RBFOX1: variants seen among roughly 807,000 people sequenced by gnomAD.
RBFOX1 encodes the protein RNA binding fox-1 homolog 1, also known as RNA binding protein fox-1 homolog 1.
A neutral mutation model predicts 57.7 loss-of-function variants in RBFOX1; 8 were observed. The observed-to-expected ratio is 0.14, with a 90% CI of 0.08 to 0.25. The LOEUF (loss-of-function observed/expected upper bound fraction) is 0.25, where lower values mean the gene tolerates loss of function less well. Ranked by LOEUF, RBFOX1 falls within the 10% of genes least tolerant of loss-of-function variation. The pLI, the probability that RBFOX1 is intolerant of heterozygous loss-of-function variation, is 1.00. For missense variants in RBFOX1, 611 were observed against 548.5 expected, an observed-to-expected ratio of 1.11 and a Z score of -1.14; for synonymous variants, 326 against 222.4, an observed-to-expected ratio of 1.47 and a Z score of -4.15.
At chr16:7,182,091 A>C (rs2152528764) in intron 4 of RBFOX1, among the ~76,000 whole-genome samples, 1 of 152,328 alleles carries the variant, frequency 6.6e-6, no homozygotes, top group South Asian at 2.1e-4. Context: ...AAGCTTGTTC[A>C]TGACAGTTCT....
At chr16:7,207,521 C>G (rs923629353) in intron 4 of RBFOX1, among the ~76,000 whole-genome samples, 7 of 152,088 alleles carry the variant, frequency 4.6e-5, no homozygotes, top group African/African-American at 1.4e-4. Context: ...AATAGATGAT[C>G]CAGTGAATAT....
At chr16:5,696,098 A>G (rs576780931) in intron 3 of RBFOX1, among the ~76,000 whole-genome samples, 1 of 152,330 alleles carries the variant, frequency 6.6e-6, no homozygotes, top group Admixed American at 6.5e-5. Context: ...AGAGAAGAAT[A>G]TAGTGAACCT....
At chr16:7,600,281 A>G (rs1464609888) in intron 9 of RBFOX1, among the ~76,000 whole-genome samples, 1 of 152,202 alleles carries the variant, frequency 6.6e-6, no homozygotes, top group Non-Finnish European at 1.5e-5. Context: ...TTTATTTAAA[A>G]CACAAATGTC....
chr16:6,833,401 A>G (rs1016599433), intron 3 of RBFOX1, among the ~76,000 whole-genome samples: 1 of 152,102 alleles, frequency 6.6e-6, no homozygotes, highest in Admixed American at 6.5e-5. Flanking sequence ...TCCTGACCTC[A>G]GGTGATCAAC....
chr16:7,113,495 A>G (rs1471822029), intron 4 of RBFOX1, among the ~76,000 whole-genome samples: 1 of 152,188 alleles, frequency 6.6e-6, no homozygotes, highest in Non-Finnish European at 1.5e-5. Context: ...TGGTTGAATC[A>G]GATTCCATTG....
chr16:7,612,446 G>C (rs1327433950), intron 10 of RBFOX1, among the ~76,000 whole-genome samples: 2 of 151,280 alleles, frequency 1.3e-5, no homozygotes, highest in African/African-American at 2.4e-5. Context: ...GTAAAATCAA[G>C]GCAGTAAGGA....
At chr16:5,995,981 T>C (rs1029498563) in intron 4 of RBFOX1, among the ~76,000 whole-genome samples, 1 of 152,182 alleles carries the variant, frequency 6.6e-6, no homozygotes, top group Admixed American at 6.5e-5. Context: ...GGTTCATAGA[T>C]GGCATCTTTT....
Position 6,859,185 on chromosome 16 carries a change from G to A in RBFOX1, c.-15-192872G>A, listed in dbSNP as rs28677019. On this transcript the variant is annotated intron_variant, in intron 3 of 15. Coordinates refer to ENST00000550418, the MANE Select transcript of RBFOX1 (RefSeq NM_018723.4). ...TATACGTATATATATGTATATATAT[G>A]TATATATATATGTATATATATATAT... Among the ~76,000 whole-genome samples the A allele has an allele frequency of 9.1e-4, 40 of 43,978 alleles. 2 individuals are homozygous for A. Among genetic ancestry groups the A allele is most frequent in the African/African-American group, 3.0e-3 (33 of 10,968 alleles). The allele number at this position is 43,978 out of a possible 152,430, so 28.9% of individuals were successfully genotyped here.
rs190922447 is a variant in RBFOX1, at chr16:6,459,420, C to T, written c.-64+142363C>T. Among the ~76,000 whole-genome samples, 304 of 152,258 alleles carry T rather than the reference C, an allele frequency of 2.0e-3. 1 individual carries two copies. The highest frequency in any genetic ancestry group is 6.7e-3 in the African/African-American group (279 of 41,544). On this transcript the variant is annotated intron_variant, in intron 2 of 15. Transcript: ENST00000550418. ...ATTTTATTTCTCCTCTCTGCATCCCCTCAGTATGAATTTAGGTACACCAAG... is the reference window on the plus strand; with the variant it reads ...ATTTTATTTCTCCTCTCTGCATCCCTTCAGTATGAATTTAGGTACACCAAG...
intron 1 of RBFOX1, among the ~76,000 whole-genome samples, chr16:5,381,218 G>C (rs1233541565): frequency 6.6e-6 from 1 of 152,230 alleles, no homozygotes; most frequent in African/African-American, 2.4e-5. Context: ...CTCAGTAAAA[G>C]GCAGGGCAGA....
intron 4 of RBFOX1, among the ~76,000 whole-genome samples, chr16:7,438,013 C>G (rs1411999398): frequency 2.0e-5 from 3 of 152,040 alleles, no homozygotes; most frequent in African/African-American, 7.2e-5. Flanking sequence ...GGAATAATCC[C>G]TGCATGTCAG....
chr16:7,463,164 C>G (rs1164467801), intron 4 of RBFOX1, among the ~76,000 whole-genome samples: 1 of 152,260 alleles, frequency 6.6e-6, no homozygotes, highest in East Asian at 1.9e-4. Flanking sequence ...GCTATGCCCT[C>G]AGATGGTAGA....
intron 3 of RBFOX1, among the ~76,000 whole-genome samples, chr16:6,959,355 C>A (rs1366510828): frequency 6.6e-6 from 1 of 152,090 alleles, no homozygotes; most frequent in Non-Finnish European, 1.5e-5. Flanking sequence ...CATCTGATAA[C>A]CGTCACATTT....
intron 1 of RBFOX1, among the ~76,000 whole-genome samples, chr16:6,068,614 G>C (rs936102071): frequency 1.5e-4 from 23 of 152,128 alleles, no homozygotes; most frequent in Non-Finnish European, 2.5e-4. Flanking sequence ...ACAAGATAAG[G>C]ATAATCATCC....
intron 2 of RBFOX1, among the ~76,000 whole-genome samples, chr16:6,409,413 T>TCAAAA (rs1226008753): frequency 1.3e-5 from 2 of 152,306 alleles, no homozygotes; most frequent in African/African-American, 2.4e-5. Context: ...AAACCCGGTC[T>TCAAAA]CAAAACAAAA....
intron 1 of RBFOX1, among the ~76,000 whole-genome samples, chr16:6,077,193 G>A (rs940652753): frequency 6.6e-6 from 1 of 152,116 alleles, no homozygotes; most frequent in Admixed American, 6.6e-5. Flanking sequence ...GCAACATATT[G>A]CATTTCAGCC....
intron 3 of RBFOX1, among the ~76,000 whole-genome samples, chr16:6,810,483 G>T (rs780007588): frequency 2.0e-5 from 3 of 152,002 alleles, no homozygotes; most frequent in Non-Finnish European, 4.4e-5. Context: ...TCATGGCACC[G>T]TTCATGAGTC....
intron 2 of RBFOX1, among the ~76,000 whole-genome samples, chr16:6,603,357 A>C (rs1003037664): frequency 6.6e-6 from 1 of 152,330 alleles, no homozygotes; most frequent in Middle Eastern, 3.4e-3. Flanking sequence ...GATGTATACA[A>C]CTAAAGGATT....
At chr16:6,171,530 T>C (rs2096960662) in intron 1 of RBFOX1, among the ~76,000 whole-genome samples, 1 of 152,206 alleles carries the variant, frequency 6.6e-6, no homozygotes, top group African/African-American at 2.4e-5. Flanking sequence ...ATTGGCTTGT[T>C]GGACCAGCAG....
Sources: allele counts gnomAD v4.1 joint callset (sites outside exome capture counted in the v4.1 genomes callset), GRCh38; gene constraint gnomAD v4.1.1; transcripts MANE v1.5; gene names NCBI Gene and HGNC (gene_info 2026-07-23, HGNC 2026-07-21).